CHST11: variants seen among roughly 807,000 people sequenced by gnomAD.
CHST11 encodes the protein C4S-1.
A neutral mutation model predicts 30.4 loss-of-function variants in CHST11; 9 were observed. The observed-to-expected ratio is 0.30, with a 90% CI of 0.18 to 0.52. CHST11 has a LOEUF of 0.52. Among genes scored for constraint, CHST11 ranks in the 20% least tolerant of loss-of-function variants. The pLI is 0.97. For synonymous variants in CHST11, 152 were observed against 187.8 expected, an observed-to-expected ratio of 0.81 and a Z score of 1.56; for missense variants, 348 against 460.6, an observed-to-expected ratio of 0.76 and a Z score of 2.24.
At chr12:104,702,223 C>T (rs915863676) in intron 2 of CHST11, among the ~76,000 whole-genome samples, 1 of 152,358 alleles carries the variant, frequency 6.6e-6, no homozygotes, top group Non-Finnish European at 1.5e-5. Flanking sequence ...TATACCAGCA[C>T]ATGCTGGGTG....
intron 1 of CHST11, chr12:104,514,343 G>A (rs1391188577): frequency 2.1e-6 from 2 of 962,208 alleles, no homozygotes; most frequent in East Asian, 4.8e-5. Flanking sequence ...CTCTCAAGCA[G>A]CAGCTCTTCT....
intron 1 of CHST11, among the ~76,000 whole-genome samples, chr12:104,563,141 A>G (rs958447211): frequency 2.0e-4 from 30 of 152,082 alleles, no homozygotes; most frequent in African/African-American, 7.2e-4. Flanking sequence ...CCCGGGTTCA[A>G]GTGATTCTCG....
At chr12:104,753,810 A>G (rs1196992829) in intron 2 of CHST11, among the ~76,000 whole-genome samples, 1 of 152,158 alleles carries the variant, frequency 6.6e-6, no homozygotes, top group Non-Finnish European at 1.5e-5. Context: ...GAGGGAGGAA[A>G]GGAAGAAATA....
chr12:104,541,130 T>TCA (rs71069763), intron 1 of CHST11, among the ~76,000 whole-genome samples: 6,078 of 146,622 alleles, frequency 0.041, 326 homozygotes, highest in African/African-American at 0.13. Context: ...TCTCTCTCTC[T>TCA]CACACACACA....
At chr12:104,476,391 A>G (rs1352412141) in intron 1 of CHST11, among the ~76,000 whole-genome samples, 1 of 151,714 alleles carries the variant, frequency 6.6e-6, no homozygotes, top group Non-Finnish European at 1.5e-5. Flanking sequence ...CAAAGATGAA[A>G]TCGTCAGGCT....
intron 1 of CHST11, among the ~76,000 whole-genome samples, chr12:104,526,302 G>C (rs1411463780): frequency 6.6e-6 from 1 of 152,072 alleles, no homozygotes; most frequent in Non-Finnish European, 1.5e-5. Flanking sequence ...TCTACATACT[G>C]TTTATAGAGG....
chr12:104,750,428 CTTTTTTTTTTT>C (rs10659007), intron 2 of CHST11, among the ~76,000 whole-genome samples: 39 of 48,836 alleles, frequency 8.0e-4, no homozygotes, highest in African/African-American at 2.4e-3. Context: ...TATTTCTGCA[CTTTTTTTTTTT>C]TTTTTTTTTT....
intron 2 of CHST11, among the ~76,000 whole-genome samples, chr12:104,735,420 T>G (rs2040292212): frequency 6.6e-6 from 1 of 152,010 alleles, no homozygotes; most frequent in Non-Finnish European, 1.5e-5. Flanking sequence ...ATGGTAAAAA[T>G]AATAATACCA....
intron 2 of CHST11, among the ~76,000 whole-genome samples, chr12:104,710,389 G>A (rs560205583): frequency 5.9e-5 from 9 of 152,198 alleles, no homozygotes; most frequent in Non-Finnish European, 1.3e-4. Flanking sequence ...TCTTTTCTTC[G>A]GTGGCACTTC....
At chr12:104,706,250 A>T (rs1196785548) in intron 2 of CHST11, among the ~76,000 whole-genome samples, 1 of 146,872 alleles carries the variant, frequency 6.8e-6, no homozygotes, top group South Asian at 2.2e-4. Context: ...CAGGTGTGGT[A>T]GCGCATGCCT....
chr12:104,620,858 C>T (rs2136060376), intron 2 of CHST11, among the ~76,000 whole-genome samples: 1 of 152,300 alleles, frequency 6.6e-6, no homozygotes, highest in South Asian at 2.1e-4. Context: ...AGGAGAATGA[C>T]AGTCAATTGC....
intron 1 of CHST11, among the ~76,000 whole-genome samples, chr12:104,566,250 T>G (rs551441511): frequency 5.3e-5 from 8 of 152,334 alleles, no homozygotes; most frequent in Middle Eastern, 3.4e-3. Context: ...CCCCATAAAT[T>G]ACTTCTTTCT....
At chr12:104,469,656 T>A (rs1186466832) in intron 1 of CHST11, among the ~76,000 whole-genome samples, 13 of 152,160 alleles carry the variant, frequency 8.5e-5, no homozygotes, top group Admixed American at 6.5e-4. Flanking sequence ...GGTCAGTCCT[T>A]CCCACTGCTT....
At chr12:104,514,427 C>A in intron 1 of CHST11, 2 of 915,026 alleles carry the variant, frequency 2.2e-6, no homozygotes, top group South Asian at 1.3e-5. Flanking sequence ...TCCTCATCCT[C>A]TTCACCATGT....
Position 104,639,572 on chromosome 12 carries a change from T to C in CHST11, c.204+37581T>C, listed in dbSNP as rs149800247. Among the ~76,000 whole-genome samples the C allele has an allele frequency of 4.0e-3, 614 of 152,236 alleles. 5 individuals carry two copies. Among genetic ancestry groups the C allele is most frequent in the African/African-American group, 0.014 (587 of 41,538 alleles). Reference sequence around the variant, plus strand: ...AAAGATGGGATTTTAGGGATCTTTATGGGATAGAGGAGCAAGGTGGCCTGA... The same window carrying C: ...AAAGATGGGATTTTAGGGATCTTTACGGGATAGAGGAGCAAGGTGGCCTGA... On this transcript the variant is annotated intron_variant, in intron 2 of 2. Transcript: ENST00000303694.
In CHST11 at chr12:104,576,291, C is replaced by A. The variant is rs913583386; in HGVS notation, c.119-25615C>A. Among the ~76,000 whole-genome samples the A allele has an allele frequency of 2.0e-5, 3 of 152,108 alleles. No individual in the cohort carries two copies. The East Asian group carries it at 5.8e-4, about 29-fold the overall frequency. On this transcript the variant is annotated intron_variant, in intron 1 of 2. Transcript: ENST00000303694. ...GAAACCTAAGGAGCCCAAGGTCACA[C>A]GCTTGGAAGAACAGGGGCTGGAATC...
chr12:104,569,501 C>G (rs75172119), intron 1 of CHST11, among the ~76,000 whole-genome samples: 1 of 152,310 alleles, frequency 6.6e-6, no homozygotes, highest in East Asian at 1.9e-4. Flanking sequence ...CAGAGGATGT[C>G]TGAGTCCATT....
chr12:104,729,283 C>G lies in CHST11; in HGVS notation c.205-27666C>G, dbSNP rs118031688. Among the ~76,000 whole-genome samples, 1,041 of 152,300 alleles carry G rather than the reference C, an allele frequency of 6.8e-3. 29 individuals are homozygous for G. Among genetic ancestry groups the G allele is most frequent in the East Asian group, 0.066 (343 of 5,162 alleles). On this transcript the variant is annotated intron_variant, in intron 2 of 2. Coordinates refer to ENST00000303694, the MANE Select transcript of CHST11 (RefSeq NM_018413.6). This position sits in a 1 kb window ranked among gnomAD's most constrained non-coding sequence, Gnocchi z 4.0. ...AAGCCTCTCTGTGACCTACAGCTTCCTCCCCTGTGAAATCGTGCTTCCTGT... is the reference window on the plus strand; with the variant it reads ...AAGCCTCTCTGTGACCTACAGCTTCGTCCCCTGTGAAATCGTGCTTCCTGT...
chr12:104,623,065 G>A (rs549780845), intron 2 of CHST11, among the ~76,000 whole-genome samples: 1 of 152,316 alleles, frequency 6.6e-6, no homozygotes, highest in African/African-American at 2.4e-5. Context: ...TTAGGTCTCT[G>A]TTGCAACTAC....
Sources: gnomAD v4.1 joint callset for allele counts (sites outside exome capture counted in the v4.1 genomes callset) on GRCh38, gnomAD v4.1.1 for gene constraint, Gnocchi (gnomAD v3.1) non-coding constraint, MANE v1.5 for transcripts, NCBI Gene and HGNC (gene_info 2026-07-23, HGNC 2026-07-21) for gene names.